LIG1: variants seen among roughly 807,000 people sequenced by gnomAD.
The protein encoded by LIG1 is ligase I, DNA, ATP-dependent.
Under a neutral mutation model 115.7 loss-of-function variants are expected in LIG1, and 70 were observed. The ratio of observed to expected loss-of-function variants is 0.60; its 90% CI spans 0.50 to 0.74. The LOEUF (loss-of-function observed/expected upper bound fraction) is 0.74, where lower values mean the gene tolerates loss of function less well. Among genes scored for constraint, LIG1 ranks in the 30% least tolerant of loss-of-function variants. The pLI is 0.00. For synonymous variants in LIG1, 487 were observed against 495.3 expected (o/e 0.98, Z 0.22); for missense variants, 1,115 against 1,225.6 (o/e 0.91, Z 1.35).
chr19:48,130,590 C>T (rs754948), intron 19 of LIG1, among the ~76,000 whole-genome samples: 18,388 of 152,150 alleles, frequency 0.12, 1,841 homozygotes, highest in African/African-American at 0.27. Context: ...TCTGGCTTTC[C>T]GAGGCTTTGT....
chr19:48,137,162 C>T lies in LIG1; in HGVS notation c.1255-78G>A. 1 of 1,249,810 alleles carries T rather than the reference C, an allele frequency of 8.0e-7. No homozygotes were observed. The highest frequency in any genetic ancestry group is 1.3e-5 in the South Asian group (1 of 79,000). The allele number at this position is 1,249,810 out of a possible 1,614,324, so 77.4% of individuals were successfully genotyped here. On this transcript the variant is annotated intron_variant, in intron 13 of 27. Coordinates refer to ENST00000263274, the MANE Select transcript of LIG1 (RefSeq NM_000234.3). The surrounding 1 kb of genome is among the most constrained non-coding windows in gnomAD (Gnocchi z 4.3). ...CTCCACCCCACCAGCCGTGCTGCTG[C>T]CCTGCATTTTGGAATACCTGCCCTC... is the stretch of plus-strand genomic sequence containing the variant.
chr19:48,150,201 G>T lies in LIG1; in HGVS notation c.584C>A (p.Thr195Asn), dbSNP rs2035379875. 1.9e-6 allele frequency: 3 copies of T among 1,614,090 alleles called. No individual in the cohort carries two copies. The highest frequency in any genetic ancestry group is 2.5e-6 in the Non-Finnish European group (3 of 1,180,030). The change falls in exon 8 of 28, where the codon ACC becomes AAC. Residue 195 changes from threonine (T) to asparagine (N), a missense_variant. Transcript: ENST00000263274. Reference sequence around the variant, plus strand: ...AGGCTCTGAAACGCTTTCCGTCGGGGTCTCTGCTTCTGCGGTGAGAGAGCT... The same window carrying T: ...AGGCTCTGAAACGCTTTCCGTCGGGTTCTCTGCTTCTGCGGTGAGAGAGCT... ...PKPLKTSKAE[T>N]PTESVSEPEV...
Position 48,137,102 on chromosome 19 carries a change from G to A in LIG1, c.1255-18C>T, listed in dbSNP as rs372210576. 75 of 1,604,168 alleles carry A rather than the reference G, an allele frequency of 4.7e-5. No homozygotes were observed. In the African/African-American group the frequency reaches 9.2e-4, roughly 20 times the overall value. ...GCTGTGGACTGGAGAGTCAGGGGAA[G>A]AGCCGTCAGTGCCTGGTGAAGGCAG... On this transcript the variant is annotated intron_variant, in intron 13 of 27. Coordinates refer to ENST00000263274, the MANE Select transcript of LIG1 (RefSeq NM_000234.3). This position sits in a 1 kb window ranked among gnomAD's most constrained non-coding sequence, Gnocchi z 4.3.
At chr19:48,150,274 T>C in intron 7 of LIG1, 64 bp from the exon 8 acceptor site, 1 of 1,609,238 alleles carries the variant, frequency 6.2e-7, no homozygotes, top group Non-Finnish European at 8.5e-7. Context: ...TTTTTCTTTT[T>C]TTTTACCCCC....
At chr19:48,135,891 G>GCCCCCCCC in intron 15 of LIG1, 112 bp from the exon 16 acceptor site, 3 of 928,722 alleles carry the variant, frequency 3.2e-6, no homozygotes, top group Non-Finnish European at 5.1e-6. Flanking sequence ...GGCCCAAGAC[G>GCCCCCCCC]CCCCCTCCCC....
chr19:48,123,859 A>T (rs1179981619), intron 21 of LIG1, among the ~76,000 whole-genome samples: 4 of 152,180 alleles, frequency 2.6e-5, no homozygotes, highest in African/African-American at 9.7e-5. Context: ...ATAATTAAAA[A>T]AAAAAAAAAA....
intron 25 of LIG1, 43 bp downstream of exon 25, chr19:48,119,094 G>A (rs150969481): frequency 4.7e-6 from 7 of 1,494,244 alleles, no homozygotes; most frequent in East Asian, 2.4e-5. Flanking sequence ...TCAGGGGCAG[G>A]GGGGAGAGGG....
chr19:48,138,718 T>C (rs1218983001), intron 12 of LIG1, among the ~76,000 whole-genome samples: 1 of 152,176 alleles, frequency 6.6e-6, no homozygotes, highest in Non-Finnish European at 1.5e-5. Context: ...CTGCCATGGA[T>C]TGTTGGGCAG....
chr19:48,139,027 G>A (rs921439560), intron 12 of LIG1, among the ~76,000 whole-genome samples: 2 of 152,014 alleles, frequency 1.3e-5, no homozygotes, highest in African/African-American at 2.4e-5. Context: ...CTAAATGTTG[G>A]TGCCCATGGC....
intron 21 of LIG1, among the ~76,000 whole-genome samples, chr19:48,125,478 G>A (rs536436510): frequency 4.6e-5 from 7 of 151,514 alleles, no homozygotes; most frequent in East Asian, 3.9e-4. Context: ...CACCTGTCCC[G>A]GCGAAGGACA....
chr19:48,161,744 C>G (rs1416551779), intron 3 of LIG1, among the ~76,000 whole-genome samples: 2 of 152,038 alleles, frequency 1.3e-5, no homozygotes, highest in East Asian at 1.9e-4. Flanking sequence ...TCCAGAGTGC[C>G]TGCCCTGTGA....
intron 11 of LIG1, 78 bp downstream of exon 11, chr19:48,143,465 A>T: frequency 7.9e-7 from 1 of 1,263,404 alleles, no homozygotes; most frequent in Non-Finnish European, 1.2e-6. Flanking sequence ...TTGGCGGAAC[A>T]AGGCAGCACA....
chr19:48,161,056 T>C (rs567492014), intron 4 of LIG1: 128 of 405,054 alleles, frequency 3.2e-4, no homozygotes, highest in Non-Finnish European at 5.3e-4. Context: ...TGTTTTACCA[T>C]CAGGCATTAT....
intron 21 of LIG1, among the ~76,000 whole-genome samples, chr19:48,124,052 G>A (rs986706504): frequency 6.6e-6 from 1 of 152,158 alleles, no homozygotes; most frequent in African/African-American, 2.4e-5. Flanking sequence ...TGTCAACACT[G>A]ACTAATCCGT....
chr19:48,157,597 T>A (rs1568546489), intron 4 of LIG1, among the ~76,000 whole-genome samples: 1 of 152,102 alleles, frequency 6.6e-6, no homozygotes, highest in South Asian at 2.1e-4. Flanking sequence ...CAGGCTGGAG[T>A]GCAGTGGCGC....
At chr19:48,144,637 G>A (rs2035000626) in intron 9 of LIG1, among the ~76,000 whole-genome samples, 2 of 152,014 alleles carry the variant, frequency 1.3e-5, no homozygotes, top group Admixed American at 6.6e-5. Flanking sequence ...AAGTAACTGG[G>A]ATTACAGGCG....
chr19:48,141,996 G>A (rs955093174), intron 11 of LIG1, among the ~76,000 whole-genome samples: 2 of 152,144 alleles, frequency 1.3e-5, no homozygotes, highest in Admixed American at 1.3e-4. Flanking sequence ...AATCCAAAAA[G>A]CATCCTTACA....
At chr19:48,155,571 C>A (rs1256267244) in intron 5 of LIG1, among the ~76,000 whole-genome samples, 1 of 152,152 alleles carries the variant, frequency 6.6e-6, no homozygotes, top group Non-Finnish European at 1.5e-5. Flanking sequence ...CCAGCATCGT[C>A]CGATGGAAAG....
intron 1 of LIG1, among the ~76,000 whole-genome samples, chr19:48,166,260 G>A (rs1382452703): frequency 2.0e-5 from 3 of 152,174 alleles, no homozygotes; most frequent in Non-Finnish European, 2.9e-5. Context: ...AGCCAGGTGC[G>A]GTGGCACGCG....
Sources: gnomAD v4.1 joint callset for allele counts (sites outside exome capture counted in the v4.1 genomes callset) on GRCh38, gnomAD v4.1.1 for gene constraint, Gnocchi (gnomAD v3.1) non-coding constraint, MANE v1.5 for transcripts, NCBI Gene and HGNC (gene_info 2026-07-23, HGNC 2026-07-21) for gene names.